The following HUWE1 variants were observed in gnomAD, a reference collection of about 807,000 sequenced individuals.
HUWE1 encodes HECT, UBA and WWE domain containing E3 ubiquitin protein ligase 1.
HUWE1 carries 18 observed loss-of-function variants against 299.4 expected under a neutral mutation model. That is an observed-to-expected ratio of 0.06 (90% CI 0.04 to 0.09). HUWE1 has a LOEUF of 0.09. Among genes scored for constraint, HUWE1 ranks in the 10% least tolerant of loss-of-function variants. The pLI is 1.00. For synonymous variants in HUWE1, 1,317 were observed against 1,286.1 expected, an observed-to-expected ratio of 1.02 and a Z score of -0.51; for missense variants, 1,832 against 3,462.3, an observed-to-expected ratio of 0.53 and a Z score of 11.82.
chrX:53,577,211 T>A, intron 43 of HUWE1, 144 bp from the exon 44 acceptor site: 1 of 501,116 alleles, frequency 2.0e-6, no homozygotes, highest in Admixed American at 2.8e-5. Flanking sequence ...AGTACTCTAC[T>A]ATAAAACCTG....
intron 33 of HUWE1, 68 bp from the exon 34 acceptor site, chrX:53,591,190 A>C (rs1386235328): frequency 1.8e-6 from 2 of 1,130,783 alleles, no homozygotes; most frequent in Admixed American, 4.7e-5. Flanking sequence ...AAAGGAAGGA[A>C]CCTTTTCAAG....
intron 3 of HUWE1, among the ~76,000 whole-genome samples, chrX:53,676,363 A>C (rs1471312269): frequency 1.8e-5 from 2 of 111,361 alleles, no homozygotes; most frequent in Non-Finnish European, 3.8e-5. Flanking sequence ...CCAAATCCGG[A>C]ACTGCCTGGG....
intron 7 of HUWE1, among the ~76,000 whole-genome samples, chrX:53,634,914 CAT>C (rs1377444702): frequency 2.7e-5 from 3 of 112,470 alleles, no homozygotes; most frequent in Non-Finnish European, 5.6e-5. Context: ...ACTTCAGCCA[CAT>C]AGTCTCACTT....
Position 53,550,688 on chromosome X carries a change from C to T in HUWE1, c.9466G>A (p.Gly3156Arg). ...TACCTGTTATGGCTGCTGCTACCCC[C>T]CATCTGGAAGGTGCCACCTCTCTGC... ...AVQRGGTFQM[G>R]GSSSHNRPSG... Residue 3156 changes from glycine (G) to arginine (R), a missense_variant, in exon 66 of 84, where the codon GGG (glycine) becomes AGG (arginine). Physicochemically the swap from Gly to Arg is moderately radical, Grantham distance 125. This residue lies in a region of HUWE1 where 91 missense variants were observed against 281.2 expected (regional missense o/e 0.32). Transcript: ENST00000262854. 2.5e-6 allele frequency: 3 copies of T among 1,211,371 alleles called. No homozygotes were observed. Among genetic ancestry groups the T allele is most frequent in the South Asian group, 1.8e-5 (1 of 56,988 alleles).
chrX:53,675,973 C>G (rs1447043645), intron 3 of HUWE1, among the ~76,000 whole-genome samples: 1 of 111,247 alleles, frequency 9.0e-6, no homozygotes, highest in Non-Finnish European at 1.9e-5. Context: ...ATAAATGTGA[C>G]TCCTAAGGAG....
intron 41 of HUWE1, 120 bp downstream of exon 41, chrX:53,584,066 G>T (rs2063747768): frequency 2.4e-6 from 2 of 821,531 alleles, no homozygotes; most frequent in Non-Finnish European, 3.6e-6. Context: ...AAAAGCATAA[G>T]GGAGGCCTAC....
intron 3 of HUWE1, among the ~76,000 whole-genome samples, chrX:53,678,557 A>C (rs2069950414): frequency 8.9e-6 from 1 of 112,015 alleles, no homozygotes. Flanking sequence ...TTCAGATGAA[A>C]TGAAATGAAA....
At position 53,592,669 on chromosome X, in the gene HUWE1, CAA is replaced by C. The variant is rs782112051; in HGVS notation, c.3742-43_3742-42del. On this transcript the variant is annotated intron_variant, in intron 32 of 83. Transcript: ENST00000262854. The stretch of plus-strand genomic sequence containing the variant: ...AAAGTGTGTGAAAATCATTTTGCTT[CAA>C]TTCAAAGCTCAGAAGGATTAAGTTA... 5,452 of 951,005 alleles carry C rather than the reference CAA, an allele frequency of 5.7e-3. 23 individuals are homozygous for C. The highest frequency in any genetic ancestry group is 0.028 in the Middle Eastern group (107 of 3,832). The allele number at this position is 951,005 out of a possible 1,213,427, so 78.4% of individuals were successfully genotyped here. A position where few individuals can be genotyped will look rare whatever the true frequency, so the allele number is the denominator to read the frequency against.
At chrX:53,647,706 A>AT in intron 5 of HUWE1, 132 bp from the exon 6 acceptor site, 1 of 546,811 alleles carries the variant, frequency 1.8e-6, no homozygotes, top group Non-Finnish European at 3.3e-6. Flanking sequence ...CCTTGCCCAT[A>AT]TGAGAAAGAT....
chrX:53,662,172 G>A (rs1232305281), intron 3 of HUWE1, among the ~76,000 whole-genome samples: 2 of 110,594 alleles, frequency 1.8e-5, no homozygotes, highest in African/African-American at 6.6e-5. Context: ...TGAGGAGTCA[G>A]AACCCGCATT....
intron 43 of HUWE1, among the ~76,000 whole-genome samples, chrX:53,577,758 G>C (rs1396112179): frequency 4.4e-5 from 5 of 114,643 alleles, no homozygotes; most frequent in Non-Finnish European, 9.3e-5. Context: ...TCCTAACCGC[G>C]AGTGATCCGC....
intron 28 of HUWE1, among the ~76,000 whole-genome samples, chrX:53,602,204 G>A (rs1271560614): frequency 9.0e-6 from 1 of 111,412 alleles, no homozygotes; most frequent in Non-Finnish European, 1.9e-5. Flanking sequence ...AAACTTAACA[G>A]GGAATAGTTA....
intron 55 of HUWE1, among the ~76,000 whole-genome samples, 187 bp from the exon 56 acceptor site, chrX:53,560,603 T>TA (rs1461553051): frequency 9.0e-6 from 1 of 111,558 alleles, no homozygotes; most frequent in African/African-American, 3.3e-5. Flanking sequence ...ATCTCTCACT[T>TA]AGATACTGCA....
chrX:53,534,731 AAACTCACAC>A (rs1569393261), intron 81 of HUWE1, 34 bp from the exon 82 acceptor site: 2 of 1,166,724 alleles, frequency 1.7e-6, no homozygotes, highest in Non-Finnish European at 2.3e-6. Context: ...AATGACTTCT[AAACTCACAC>A]AACCGTAGAG....
intron 39 of HUWE1, 75 bp downstream of exon 39, chrX:53,586,415 C>A: frequency 3.1e-6 from 2 of 644,272 alleles, no homozygotes; most frequent in Non-Finnish European, 5.2e-6. Context: ...TCACTACTCT[C>A]TCATATTCTC....
intron 19 of HUWE1, 61 bp downstream of exon 19, chrX:53,624,532 CAG>C (rs1313389816): frequency 7.7e-5 from 55 of 713,928 alleles, no homozygotes; most frequent in Non-Finnish European, 1.1e-4. Flanking sequence ...TAAGTAAATA[CAG>C]AGAGAGAGAG....
chrX:53,648,523 T>TAAAAAAAAAAAAAAAA (rs1557037695), intron 4 of HUWE1, among the ~76,000 whole-genome samples: 1 of 86,978 alleles, frequency 1.1e-5, no homozygotes, highest in African/African-American at 8.7e-5. Flanking sequence ...CACCTGGGCT[T>TAAAAAAAAAAAAAAAA]AAAAAACAAA....
At chrX:53,682,764 G>C (rs782395184) in intron 2 of HUWE1, among the ~76,000 whole-genome samples, 64 of 111,389 alleles carry the variant, frequency 5.7e-4, no homozygotes, top group African/African-American at 2.0e-3. Flanking sequence ...AGCAAGGCAG[G>C]GAAAAGGGGC....
At chrX:53,578,670 A>C (rs1211868694) in intron 43 of HUWE1, among the ~76,000 whole-genome samples, 1 of 75,701 alleles carries the variant, frequency 1.3e-5, no homozygotes, top group Non-Finnish European at 2.5e-5. Context: ...CCCATCCGGG[A>C]GGGAGGTGGG....
Sources: gnomAD v4.1 joint callset for allele counts (sites outside exome capture counted in the v4.1 genomes callset) on GRCh38, gnomAD v4.1.1 for gene constraint, gnomAD v4.1.1 regional missense constraint, MANE v1.5 for transcripts, NCBI Gene and HGNC (gene_info 2026-07-23, HGNC 2026-07-21) for gene names.